ARFGEF1: variants seen among roughly 807,000 people sequenced by gnomAD.
The protein encoded by ARFGEF1 is ARF guanine nucleotide exchange factor 1, also known as brefeldin A-inhibited guanine nucleotide-exchange protein 1.
In ARFGEF1, 42 loss-of-function variants were observed where a neutral mutation model predicts 231.0. That is an observed-to-expected ratio of 0.18 (90% CI 0.14 to 0.24). The LOEUF is 0.24. Among genes scored for constraint, ARFGEF1 ranks in the 10% least tolerant of loss-of-function variants. The probability of loss-of-function intolerance (pLI) is 1.00; values close to 1 mark genes in which losing one functional copy is unlikely to be tolerated. For missense variants in ARFGEF1, 1,345 were observed against 2,192.0 expected, an observed-to-expected ratio of 0.61 and a Z score of 7.72; for synonymous variants, 710 against 732.3, an observed-to-expected ratio of 0.97 and a Z score of 0.49.
intron 6 of ARFGEF1, among the ~76,000 whole-genome samples, chr8:67,290,064 T>TA: frequency 6.6e-6 from 1 of 152,290 alleles, no homozygotes; most frequent in South Asian, 2.1e-4. Flanking sequence ...ACGCAGCTGG[T>TA]AAGTGACAGA....
intron 7 of ARFGEF1, among the ~76,000 whole-genome samples, chr8:67,282,223 G>A (rs1805565405): frequency 6.6e-6 from 1 of 151,962 alleles, no homozygotes; most frequent in Non-Finnish European, 1.5e-5. Context: ...ATTCAACACT[G>A]GTTAGGAATA....
At chr8:67,238,234 G>C (rs1043456375) in intron 22 of ARFGEF1, 109 bp downstream of exon 22, 13 of 1,214,632 alleles carry the variant, frequency 1.1e-5, no homozygotes, top group Non-Finnish European at 1.2e-5. Context: ...CATAAGGTTA[G>C]ACAAAAGGCA....
At chr8:67,262,299 C>G (rs546663524) in intron 14 of ARFGEF1, among the ~76,000 whole-genome samples, 1 of 152,214 alleles carries the variant, frequency 6.6e-6, no homozygotes, top group African/African-American at 2.4e-5. Flanking sequence ...GTAAAAGTAA[C>G]AAGAGACTTA....
chr8:67,267,982 T>C (rs1804918535), intron 10 of ARFGEF1, among the ~76,000 whole-genome samples: 1 of 152,120 alleles, frequency 6.6e-6, no homozygotes, highest in African/African-American at 2.4e-5. Flanking sequence ...ATATGAACTA[T>C]TTCTCACTAC....
At chr8:67,192,066 GTTTTT>G (rs34907123) in intron 5 of ARFGEF1, among the ~76,000 whole-genome samples, 1 of 129,858 alleles carries the variant, frequency 7.7e-6, no homozygotes, top group Non-Finnish European at 1.6e-5. Context: ...TTGCTGATTT[GTTTTT>G]TTTTTTGTTT....
chr8:67,254,358 T>G (rs1335847139), intron 17 of ARFGEF1, among the ~76,000 whole-genome samples: 1 of 152,206 alleles, frequency 6.6e-6, no homozygotes, highest in African/African-American at 2.4e-5. Context: ...TGAAGAGACA[T>G]TTATTTAATT....
chr8:67,312,049 T>TG (rs1341536180), intron 1 of ARFGEF1, among the ~76,000 whole-genome samples: 1 of 151,954 alleles, frequency 6.6e-6, no homozygotes, highest in African/African-American at 2.4e-5. Flanking sequence ...GCATGCTCGG[T>TG]AAGAGTCATC....
At chr8:67,343,105 G>GGGCCCCCCCCCCCCCCCCCCCACCCCCC in intron 1 of ARFGEF1, 59 bp downstream of exon 1, 1 of 483,916 alleles carries the variant, frequency 2.1e-6, no homozygotes, top group South Asian at 3.8e-5. Context: ...CCCCCCACAG[G>GGGCCCCCCCCCCCCCCCCCCCACCCCCC]CGCCCCCCTC....
rs546502233 is a variant in ARFGEF1 at position 67,202,844 on chromosome 8, A to C, written c.5128+239T>G. ...GGTCCAGGTTGGGTAAACAAGATGA[A>C]AGAACAATGTAAGTCAAATAATAGA... On this transcript the variant is annotated intron_variant, in intron 36 of 38. Coordinates refer to ENST00000262215, the MANE Select transcript of ARFGEF1 (RefSeq NM_006421.5). Among the ~76,000 whole-genome samples, 3 of 152,336 alleles carry C rather than the reference A, an allele frequency of 2.0e-5. No homozygotes were observed. The South Asian group carries it at 6.2e-4, about 32-fold the overall frequency.
chr8:67,299,893 T>C (rs1806400343), intron 3 of ARFGEF1, among the ~76,000 whole-genome samples: 1 of 151,934 alleles, frequency 6.6e-6, no homozygotes. Context: ...GCTTGAGCCT[T>C]GGGAGGTGGA....
At chr8:67,294,033 A>AT (rs1236942648) in intron 5 of ARFGEF1, among the ~76,000 whole-genome samples, 2 of 152,134 alleles carry the variant, frequency 1.3e-5, no homozygotes, top group Non-Finnish European at 2.9e-5. Context: ...GGGGGAAAGA[A>AT]TAGCTGTGTC....
Position 67,198,714 on chromosome 8 carries a change from A to G in ARFGEF1, c.*220T>C. On this transcript the variant is annotated 3_prime_UTR_variant, in exon 39 of 39. Coordinates refer to ENST00000262215, the MANE Select transcript of ARFGEF1 (RefSeq NM_006421.5). ...GTGAGCATGAGCTGACACTGTTTAAACAGGCTTTCTGCTCAACATGAGGCC... is the reference window on the plus strand; with the variant it reads ...GTGAGCATGAGCTGACACTGTTTAAGCAGGCTTTCTGCTCAACATGAGGCC... 1 of 1,304,676 alleles carries G rather than the reference A, an allele frequency of 7.7e-7. No individual in the cohort carries two copies. Among genetic ancestry groups the G allele is most frequent in the Non-Finnish European group, 9.7e-7 (1 of 1,027,130 alleles). 80.8% of individuals were successfully genotyped at this position (1,304,676 alleles called of 1,614,324 possible).
In ARFGEF1 at chr8:67,272,007, A is replaced by T. The variant is rs538362089; in HGVS notation, c.1338-71T>A. ...TATAGTAATAACAGGTTGTTCCAAAAATATTTCCAGATACACATAATCATA... is the reference window on the plus strand; with the variant it reads ...TATAGTAATAACAGGTTGTTCCAAATATATTTCCAGATACACATAATCATA... On this transcript the variant is annotated intron_variant, in intron 9 of 38. Coordinates refer to ENST00000262215, the MANE Select transcript of ARFGEF1 (RefSeq NM_006421.5). 4 of 892,508 alleles carry T rather than the reference A, an allele frequency of 4.5e-6. No individual in the cohort carries two copies. The East Asian group carries it at 1.0e-4, about 23-fold the overall frequency. The allele number at this position is 892,508 out of a possible 1,614,324, so 55.3% of individuals were successfully genotyped here.
At chr8:67,300,795 G>T (rs1806451167) in intron 3 of ARFGEF1, among the ~76,000 whole-genome samples, 1 of 150,734 alleles carries the variant, frequency 6.6e-6, no homozygotes, top group Middle Eastern at 3.4e-3. Flanking sequence ...AGTGAGCCAA[G>T]ATTACGCCAC....
chr8:67,271,025 CAAAAAAAAAAAAAAAAAAGGAAAAA>C (rs1444809809), intron 10 of ARFGEF1, among the ~76,000 whole-genome samples: 13 of 36,114 alleles, frequency 3.6e-4, no homozygotes, highest in African/African-American at 1.3e-3. Flanking sequence ...ACTCCATCTC[CAAAAAAAAAAAAAAAAAAGGAAAAA>C]GAAAAAAAAA....
At chr8:67,258,020 G>A (rs1840516833) in intron 16 of ARFGEF1, 65 bp downstream of exon 16, 1 of 1,432,280 alleles carries the variant, frequency 7.0e-7, no homozygotes, top group Non-Finnish European at 9.8e-7. Flanking sequence ...GTAAATCCCT[G>A]GATGCTACCT....
chr8:67,330,982 CATGTTAATAAG>C (rs1808072750), intron 1 of ARFGEF1, among the ~76,000 whole-genome samples: 1 of 151,842 alleles, frequency 6.6e-6, no homozygotes, highest in South Asian at 2.1e-4. Flanking sequence ...GATTAAGTAA[CATGTTAATAAG>C]ATGTTAAGAA....
At chr8:67,236,339 AG>A (rs1476727505) in intron 22 of ARFGEF1, among the ~76,000 whole-genome samples, 5 of 102,720 alleles carry the variant, frequency 4.9e-5, no homozygotes, top group African/African-American at 7.4e-5. Flanking sequence ...AAAAAAAAAA[AG>A]ATATTAGTTA....
chr8:67,192,370 C>A (rs1196899681), intron 5 of ARFGEF1, among the ~76,000 whole-genome samples: 1 of 152,174 alleles, frequency 6.6e-6, no homozygotes, highest in Non-Finnish European at 1.5e-5. Flanking sequence ...CCACCGCGCC[C>A]AGCCCTTTGT....
Sources: gnomAD v4.1 joint callset for allele counts (sites outside exome capture counted in the v4.1 genomes callset) on GRCh38, gnomAD v4.1.1 for gene constraint, MANE v1.5 for transcripts, NCBI Gene and HGNC (gene_info 2026-07-23, HGNC 2026-07-21) for gene names.